Variants in FASLG observed in about 807,000 individuals in gnomAD.
FASLG encodes the protein Fas ligand, also known as tumor necrosis factor ligand superfamily member 6.
Under a neutral mutation model 24.6 loss-of-function variants are expected in FASLG, and 9 were observed. The observed-to-expected ratio is 0.37, with a 90% CI of 0.22 to 0.64. The LOEUF (loss-of-function observed/expected upper bound fraction) is 0.64. FASLG is among the 30% of genes least tolerant of loss of function. The pLI is 0.64. For synonymous variants in FASLG, 130 were observed against 135.5 expected (o/e 0.96, Z 0.28); for missense variants, 306 against 345.3 (o/e 0.89, Z 0.90).
At position 172,666,289 on chromosome 1, in the gene FASLG, T is replaced by C. The variant is rs1467390148; in HGVS notation, c.*273T>C. ...ATGAAAAAGCAGCTACCAGGTGTTCTACACTCATCTTAGTGCCTGAGAGTA... is the reference window on the plus strand; with the variant it reads ...ATGAAAAAGCAGCTACCAGGTGTTCCACACTCATCTTAGTGCCTGAGAGTA... On this transcript the variant is annotated 3_prime_UTR_variant, in exon 4 of 4. Coordinates refer to ENST00000367721, the MANE Select transcript of FASLG (RefSeq NM_000639.3). The C allele has an allele frequency of 4.3e-6, 2 of 469,306 alleles. No individual in the cohort carries two copies. Among genetic ancestry groups the C allele is most frequent in the Admixed American group, 3.3e-5 (1 of 30,352 alleles). 29.1% of individuals were successfully genotyped at this position (469,306 alleles called of 1,614,324 possible).
chr1:172,661,965 C>T (rs187428665), intron 2 of FASLG, among the ~76,000 whole-genome samples: 28 of 151,658 alleles, frequency 1.8e-4, no homozygotes, highest in African/African-American at 4.8e-5. Context: ...GAGATGTGCC[C>T]GAAGATTTAT....
chr1:172,666,757 A>C lies in FASLG; in HGVS notation c.*741A>C, dbSNP rs1336290836. 1 of 152,752 alleles carries C rather than the reference A, an allele frequency of 6.5e-6. No homozygotes were observed. Among genetic ancestry groups the C allele is most frequent in the Non-Finnish European group, 1.5e-5 (1 of 68,022 alleles). The allele number at this position is 152,752 out of a possible 1,614,324, so 9.5% of individuals were successfully genotyped here. ...TGACAATCAACTCTAATAGTGCTTA[A>C]AAATCATTGATTGTCAGCTACTAAT... On this transcript the variant is annotated 3_prime_UTR_variant, in exon 4 of 4. Transcript: ENST00000367721.
At chr1:172,664,254 AATG>A in intron 2 of FASLG, 77 bp from the exon 3 acceptor site, 2 of 1,467,880 alleles carry the variant, frequency 1.4e-6, no homozygotes, top group Non-Finnish European at 1.9e-6. Flanking sequence ...TTTTTTTTAA[AATG>A]ATTGGATTTA....
Position 172,659,193 on chromosome 1 carries a change from C to A in FASLG, c.-9C>A, listed in dbSNP as rs1341603396. On this transcript the variant is annotated 5_prime_UTR_variant, in exon 1 of 4. Transcript: ENST00000367721. ...CGTTTGCTGGGGCTGGCCTGACTCA[C>A]CAGCTGCCATGCAGCAGCCCTTCAA... The A allele has an allele frequency of 3.7e-6, 6 of 1,614,194 alleles. No homozygotes were observed. In the South Asian group the frequency reaches 5.5e-5, roughly 15 times the overall value.
In FASLG at chr1:172,659,552, A is replaced by G; in HGVS notation, c.348+3A>G. On this transcript the variant is annotated splice_donor_region_variant and intron_variant, in intron 1 of 3. Coordinates refer to ENST00000367721, the MANE Select transcript of FASLG (RefSeq NM_000639.3). ...AGGAGCTGGCAGAACTCCGAGAGGT[A>G]AGCCTGCCGGCAGACTGCTGTGCCC... The G allele has an allele frequency of 6.2e-7, 1 of 1,613,284 alleles. No individual in the cohort carries two copies. The highest frequency in any genetic ancestry group is 8.5e-7 in the Non-Finnish European group (1 of 1,179,888).
intron 2 of FASLG, among the ~76,000 whole-genome samples, chr1:172,660,603 A>G (rs1659117093): frequency 6.6e-6 from 1 of 152,228 alleles, no homozygotes; most frequent in African/African-American, 2.4e-5. Context: ...TTTATTTACA[A>G]TATGTTTTAT....
intron 2 of FASLG, among the ~76,000 whole-genome samples, chr1:172,660,609 T>C (rs1303916946): frequency 6.6e-6 from 1 of 152,232 alleles, no homozygotes; most frequent in African/African-American, 2.4e-5. Flanking sequence ...TACAATATGT[T>C]TTATAGGATG....
At chr1:172,664,102 T>C (rs554903888) in intron 2 of FASLG, among the ~76,000 whole-genome samples, 29 of 152,340 alleles carry the variant, frequency 1.9e-4, no homozygotes, top group Middle Eastern at 3.4e-3. Flanking sequence ...TATTGTAACA[T>C]TATAATTTAT....
At chr1:172,661,368 G>T (rs936467387) in intron 2 of FASLG, among the ~76,000 whole-genome samples, 1 of 152,182 alleles carries the variant, frequency 6.6e-6, no homozygotes, top group Non-Finnish European at 1.5e-5. Context: ...ATGAGCCACT[G>T]TTGGGATGCT....
Position 172,666,237 on chromosome 1 carries a change from T to C in FASLG, c.*221T>C. The C allele has an allele frequency of 3.5e-6, 2 of 576,806 alleles. No individual in the cohort carries two copies. The highest frequency in any genetic ancestry group is 6.1e-6 in the Non-Finnish European group (2 of 327,174). The allele number at this position is 576,806 out of a possible 1,614,324, so 35.7% of individuals were successfully genotyped here. On this transcript the variant is annotated 3_prime_UTR_variant, in exon 4 of 4. Coordinates refer to ENST00000367721, the MANE Select transcript of FASLG (RefSeq NM_000639.3). ...AATATGACGGAAGAACATAGAACTCTGGGCTGCCATGTGAAGAGGGAGAAG... is the reference window on the plus strand; with the variant it reads ...AATATGACGGAAGAACATAGAACTCCGGGCTGCCATGTGAAGAGGGAGAAG...
chr1:172,663,963 A>G (rs773219127), intron 2 of FASLG, among the ~76,000 whole-genome samples: 3 of 152,156 alleles, frequency 2.0e-5, no homozygotes, highest in African/African-American at 4.8e-5. Flanking sequence ...TAGTCACCCA[A>G]CTTCTAAGCT....
At chr1:172,663,553 A>G (rs1315615308) in intron 2 of FASLG, among the ~76,000 whole-genome samples, 5 of 152,184 alleles carry the variant, frequency 3.3e-5, no homozygotes, top group African/African-American at 1.2e-4. Context: ...GAACAAAGGC[A>G]CAGAGGAAGG....
chr1:172,665,693 A>C lies in FASLG; in HGVS notation c.523A>C (p.Lys175Gln). 6.2e-7 allele frequency: 1 copy of C among 1,614,160 alleles called. No individual in the cohort carries two copies. The highest frequency in any genetic ancestry group is 8.5e-7 in the Non-Finnish European group (1 of 1,180,032). The change falls in exon 4 of 4, where the codon AAG becomes CAG. Residue 175 changes from lysine (K) to glutamine (Q), a missense_variant. By Grantham distance (53) the Lys-to-Gln change is moderately conservative. Coordinates refer to ENST00000367721, the MANE Select transcript of FASLG (RefSeq NM_000639.3). Reference sequence around the variant, plus strand: ...TGGAATTGTCCTGCTTTCTGGAGTGAAGTATAAGAAGGGTGGCCTTGTGAT... The same window carrying C: ...TGGAATTGTCCTGCTTTCTGGAGTGCAGTATAAGAAGGGTGGCCTTGTGAT... ...TYGIVLLSGV[K>Q]YKKGGLVINE...
chr1:172,664,329 T>C lies in FASLG; in HGVS notation c.395-5T>C. ...ACATATATTTTTCCTCTCTCTATGA[T>C]ACAGGCCACCCCAGTCCACCCCCTG... On this transcript the variant is annotated splice_polypyrimidine_tract_variant and splice_region_variant and intron_variant, in intron 2 of 3. Transcript: ENST00000367721. The C allele has an allele frequency of 1.9e-6, 3 of 1,613,848 alleles. 1 individual carries two copies. The highest frequency in any genetic ancestry group is 2.2e-5 in the South Asian group (2 of 91,062).
At chr1:172,665,502 C>A in intron 3 of FASLG, 120 bp from the exon 4 acceptor site, 1 of 1,155,614 alleles carries the variant, frequency 8.7e-7, no homozygotes. Context: ...CAGTTCTATA[C>A]CAGCTGTCAT....
Position 172,666,059 on chromosome 1 carries a change from A to C in FASLG, c.*43A>C. On this transcript the variant is annotated 3_prime_UTR_variant, in exon 4 of 4. Transcript: ENST00000367721. ...TCTTTCCATTATGATTCTTTGTTAC[A>C]GGCACCGAGAATGTTGTATTCAGTG... 1 of 1,609,776 alleles carries C rather than the reference A, an allele frequency of 6.2e-7. No individual in the cohort carries two copies. The highest frequency in any genetic ancestry group is 8.5e-7 in the Non-Finnish European group (1 of 1,178,540).
rs1008181009 is a variant in FASLG at position 172,660,225 on chromosome 1, C to T, written c.394+85C>T. ...GTTAATGGAATGCCTTAAATTCTGT[C>T]CCACACTTTGGTTTCTGTACACTAT... On this transcript the variant is annotated intron_variant, in intron 2 of 3. Transcript: ENST00000367721. The T allele has an allele frequency of 2.2e-6, 3 of 1,378,670 alleles. No homozygotes were observed. The African/African-American group carries it at 4.3e-5, about 20-fold the overall frequency. The allele number at this position is 1,378,670 out of a possible 1,614,324, so 85.4% of individuals were successfully genotyped here. A position where few individuals can be genotyped will look rare whatever the true frequency, so the allele number is the denominator to read the frequency against.
Position 172,664,398 on chromosome 1 carries a change from T to A in FASLG, c.451+8T>A, listed in dbSNP as rs372021169. ...AAGTGGCCCATTTAACAGGTCTGTA[T>A]CTGGAAGGTACAGGTGAGATTTGGG... On this transcript the variant is annotated splice_region_variant and intron_variant, in intron 3 of 3. Coordinates refer to ENST00000367721, the MANE Select transcript of FASLG (RefSeq NM_000639.3). The A allele has an allele frequency of 2.3e-5, 37 of 1,613,790 alleles. No homozygotes were observed. The East Asian group carries it at 4.7e-4, about 20-fold the overall frequency.
At chr1:172,663,181 G>A (rs1193619447) in intron 2 of FASLG, among the ~76,000 whole-genome samples, 1 of 152,200 alleles carries the variant, frequency 6.6e-6, no homozygotes, top group African/African-American at 2.4e-5. Flanking sequence ...CAGAGAAATA[G>A]TGTCTGTTTT....
Sources: allele counts gnomAD v4.1 joint callset (sites outside exome capture counted in the v4.1 genomes callset), GRCh38; gene constraint gnomAD v4.1.1; transcripts MANE v1.5; gene names NCBI Gene and HGNC (gene_info 2026-07-23, HGNC 2026-07-21).